SGCZ: variants seen among roughly 807,000 people sequenced by gnomAD.
SGCZ encodes zeta-sarcoglycan.
In SGCZ, 40 loss-of-function variants were observed where a neutral mutation model predicts 41.3. The observed-to-expected ratio is 0.97, with a 90% CI of 0.75 to 1.26. SGCZ has a LOEUF of 1.26. SGCZ is among the 50% of genes most tolerant of loss of function. SGCZ has a pLI of 0.00. For synonymous variants in SGCZ, 206 were observed against 137.5 expected (o/e 1.50, Z -3.49); for missense variants, 552 against 369.8 (o/e 1.49, Z -4.04).
At chr8:14,693,203 T>C (rs1486850879) in intron 1 of SGCZ, among the ~76,000 whole-genome samples, 1 of 152,184 alleles carries the variant, frequency 6.6e-6, no homozygotes, top group Non-Finnish European at 1.5e-5. Context: ...AAATATTCAT[T>C]AATTGAATAT....
chr8:14,484,964 T>C (rs1420704016), intron 2 of SGCZ, among the ~76,000 whole-genome samples: 2 of 152,176 alleles, frequency 1.3e-5, no homozygotes, highest in South Asian at 2.1e-4. Flanking sequence ...TGACATTGAG[T>C]CTTACCCTGA....
At chr8:14,247,093 G>A (rs2117196114) in intron 3 of SGCZ, among the ~76,000 whole-genome samples, 1 of 152,226 alleles carries the variant, frequency 6.6e-6, no homozygotes. Flanking sequence ...ACTTGAATGT[G>A]AAGTAATGCA....
At chr8:14,824,043 G>T (rs1270612082) in intron 1 of SGCZ, among the ~76,000 whole-genome samples, 2 of 151,988 alleles carry the variant, frequency 1.3e-5, no homozygotes, top group African/African-American at 4.8e-5. Flanking sequence ...AAAAAAGGTA[G>T]AGGATATCAT....
chr8:15,223,882 TGAGA>T (rs1169485843), intron 1 of SGCZ, among the ~76,000 whole-genome samples: 2 of 152,124 alleles, frequency 1.3e-5, no homozygotes, highest in African/African-American at 2.4e-5. Context: ...ATTTATTTAT[TGAGA>T]CAGAGTCTCA....
intron 2 of SGCZ, among the ~76,000 whole-genome samples, chr8:14,518,397 T>C (rs557849819): frequency 6.6e-6 from 1 of 152,260 alleles, no homozygotes; most frequent in South Asian, 2.1e-4. Context: ...ACACATGGAA[T>C]AAATATCGGC....
intron 1 of SGCZ, among the ~76,000 whole-genome samples, chr8:14,868,217 AAC>A: frequency 6.6e-6 from 1 of 152,216 alleles, no homozygotes; most frequent in East Asian, 1.9e-4. Flanking sequence ...AGTGGTAAAA[AAC>A]ACAGCCACAG....
chr8:14,704,365 C>T (rs1226085616), intron 1 of SGCZ, among the ~76,000 whole-genome samples: 2 of 152,010 alleles, frequency 1.3e-5, no homozygotes, highest in African/African-American at 4.8e-5. Context: ...AACTAACTCA[C>T]ACATGTATGT....
intron 1 of SGCZ, among the ~76,000 whole-genome samples, chr8:14,998,173 C>T (rs1802285861): frequency 6.6e-6 from 1 of 152,114 alleles, no homozygotes; most frequent in Admixed American, 6.5e-5. Context: ...AGCCCAGAGG[C>T]ACTACCTACA....
intron 2 of SGCZ, among the ~76,000 whole-genome samples, chr8:14,510,201 A>G (rs744032): frequency 0.73 from 110,870 of 151,968 alleles, 40,492 homozygotes; most frequent in South Asian, 0.81. Flanking sequence ...TATTATTAAA[A>G]AATTCTCCTT....
chr8:14,209,605 A>G (rs923486656), intron 4 of SGCZ, among the ~76,000 whole-genome samples: 9 of 152,156 alleles, frequency 5.9e-5, no homozygotes, highest in Admixed American at 2.6e-4. Flanking sequence ...TTAATATAGG[A>G]CATGTTCATA....
At chr8:14,094,896 G>A (rs1436867471) in intron 7 of SGCZ, among the ~76,000 whole-genome samples, 1 of 152,174 alleles carries the variant, frequency 6.6e-6, no homozygotes, top group Non-Finnish European at 1.5e-5. Flanking sequence ...ATGATGAAGA[G>A]CTTTTTTTCA....
At chr8:14,278,585 T>C (rs971942260) in intron 3 of SGCZ, among the ~76,000 whole-genome samples, 2 of 152,140 alleles carry the variant, frequency 1.3e-5, no homozygotes, top group African/African-American at 4.8e-5. Context: ...GAAGATAAAA[T>C]ATTGTGAAAT....
chr8:14,741,072 C>G (rs1799185725), intron 1 of SGCZ, among the ~76,000 whole-genome samples: 1 of 151,996 alleles, frequency 6.6e-6, no homozygotes, highest in Non-Finnish European at 1.5e-5. Flanking sequence ...CAAAGGTTTT[C>G]TTGTAAAACT....
intron 2 of SGCZ, among the ~76,000 whole-genome samples, chr8:14,503,849 A>G (rs974985778): frequency 6.6e-6 from 1 of 152,216 alleles, no homozygotes; most frequent in Non-Finnish European, 1.5e-5. Context: ...TATTTCATTT[A>G]TAGACTTATT....
chr8:15,118,374 G>A (rs534047743), intron 1 of SGCZ, among the ~76,000 whole-genome samples: 1 of 152,030 alleles, frequency 6.6e-6, no homozygotes, highest in African/African-American at 2.4e-5. Context: ...AAGTTCTCTG[G>A]GTGTGACTCC....
intron 5 of SGCZ, among the ~76,000 whole-genome samples, chr8:14,158,393 G>A (rs1285976211): frequency 1.3e-5 from 2 of 152,076 alleles, no homozygotes; most frequent in Non-Finnish European, 2.9e-5. Flanking sequence ...TCTCCACAGA[G>A]CAACCTGGCA....
intron 1 of SGCZ, among the ~76,000 whole-genome samples, chr8:14,678,127 T>G (rs979331704): frequency 6.6e-6 from 1 of 152,184 alleles, no homozygotes; most frequent in African/African-American, 2.4e-5. Flanking sequence ...GAGCTTTTGT[T>G]TGGCAATGTT....
chr8:15,096,678 TTTTTA>T (rs953950162), intron 1 of SGCZ, among the ~76,000 whole-genome samples: 8 of 152,096 alleles, frequency 5.3e-5, no homozygotes, highest in African/African-American at 1.2e-4. Context: ...TTATGTTACC[TTTTTA>T]TTTTATTTTA....
intron 1 of SGCZ, among the ~76,000 whole-genome samples, chr8:15,051,666 T>G (rs1385539347): frequency 6.6e-6 from 1 of 152,210 alleles, no homozygotes; most frequent in Non-Finnish European, 1.5e-5. Flanking sequence ...CCGTTGGTGT[T>G]ACCATTTTTT....
Sources: gnomAD v4.1 joint callset for allele counts (sites outside exome capture counted in the v4.1 genomes callset) on GRCh38, gnomAD v4.1.1 for gene constraint, MANE v1.5 for transcripts, NCBI Gene and HGNC (gene_info 2026-07-23, HGNC 2026-07-21) for gene names.